CD244: variants seen among roughly 807,000 people sequenced by gnomAD.
CD244 encodes the protein natural killer cell receptor 2B4.
In CD244, 20 loss-of-function variants were observed where a neutral mutation model predicts 45.5. The ratio of observed to expected loss-of-function variants is 0.44; its 90% confidence interval spans 0.31 to 0.64. The LOEUF (loss-of-function observed/expected upper bound fraction) is 0.64, where lower values mean the gene tolerates loss of function less well. CD244 is among the 30% of genes least tolerant of loss of function. The pLI is 0.08. For synonymous variants in CD244, 185 were observed against 160.5 expected, an observed-to-expected ratio of 1.15 and a Z score of -1.15; for missense variants, 407 against 426.9, an observed-to-expected ratio of 0.95 and a Z score of 0.41.
Position 160,841,250 on chromosome 1 carries a change from G to A in CD244, c.615C>T (p.His205=), listed in dbSNP as rs762836370. The A allele has an allele frequency of 1.2e-5, 20 of 1,614,102 alleles. No homozygotes were observed. In the African/African-American group the frequency reaches 2.5e-4, roughly 20 times the overall value. ...GACAGTCCTGAGTGAGATTCAGGGT[G>A]TGGCTTTCCCAGCTAACAGGATTGC... is the stretch of plus-strand genomic sequence containing the variant. The part of the protein sequence containing the change: ...NVSNPVSWES[H]TLNLTQDCQN... The change falls in exon 3 of 9, where the codon CAC becomes CAT. Residue 205 remains histidine, a synonymous_variant. Transcript: ENST00000368034.
At chr1:160,848,484 C>T (rs994686283) in intron 1 of CD244, 6 of 536,506 alleles carry the variant, frequency 1.1e-5, no homozygotes, top group Non-Finnish European at 1.5e-5. Context: ...ATCACCATTG[C>T]TGAGTGTAGA....
chr1:160,859,673 G>A (rs1404514239), intron 1 of CD244, among the ~76,000 whole-genome samples: 5 of 151,806 alleles, frequency 3.3e-5, no homozygotes, highest in African/African-American at 9.7e-5. Context: ...TTGGGAGACT[G>A]AGGCAGGTGG....
At chr1:160,860,865 TG>T (rs1670274965) in intron 1 of CD244, among the ~76,000 whole-genome samples, 1 of 152,236 alleles carries the variant, frequency 6.6e-6, no homozygotes, top group South Asian at 2.1e-4. Context: ...ATGCCAGGCC[TG>T]CCCTATAGAC....
Position 160,835,288 on chromosome 1 carries a change from G to T in CD244, c.894+907C>A, listed in dbSNP as rs773498489. ...AATATAAGAGGTGGAGTATGAGGAG[G>T]TGCAATGGAGACTCAGAAACCCTTT... On this transcript the variant is annotated intron_variant, in intron 6 of 8. Coordinates refer to ENST00000368034, the MANE Select transcript of CD244 (RefSeq NM_016382.4). 5.3e-5 allele frequency among the ~76,000 whole-genome samples: 8 copies of T among 152,176 alleles called. No homozygotes were observed. In the South Asian group the frequency reaches 6.2e-4, roughly 12 times the overall value.
At chr1:160,858,086 A>T (rs1176717694) in intron 1 of CD244, among the ~76,000 whole-genome samples, 4 of 86,250 alleles carry the variant, frequency 4.6e-5, no homozygotes, top group South Asian at 4.6e-4. Flanking sequence ...TAAAAAATTA[A>T]AAAAAAAAAC....
chr1:160,855,161 G>A (rs1297095291), intron 1 of CD244, among the ~76,000 whole-genome samples: 2 of 152,214 alleles, frequency 1.3e-5, no homozygotes, highest in Non-Finnish European at 2.9e-5. Context: ...TTTTCTTAAA[G>A]AAGGAGGTTG....
intron 1 of CD244, among the ~76,000 whole-genome samples, chr1:160,855,362 G>A (rs1670067912): frequency 6.6e-6 from 1 of 152,148 alleles, no homozygotes; most frequent in Non-Finnish European, 1.5e-5. Flanking sequence ...TTCTCCTGCA[G>A]CCCCCAACAG....
At chr1:160,832,887 TACACAC>T (rs771835752) in intron 7 of CD244, among the ~76,000 whole-genome samples, 1 of 143,108 alleles carries the variant, frequency 7.0e-6, no homozygotes, top group African/African-American at 2.8e-5. Flanking sequence ...TATATATATA[TACACAC>T]ACACATATAT....
chr1:160,848,025 T>C (rs1420150822), intron 1 of CD244: 1 of 300,918 alleles, frequency 3.3e-6, no homozygotes, highest in Non-Finnish European at 6.5e-6. Context: ...AACCCCACCA[T>C]GTTCATTAAT....
intron 1 of CD244, among the ~76,000 whole-genome samples, chr1:160,846,228 C>T (rs1669732168): frequency 6.6e-6 from 1 of 151,980 alleles, no homozygotes; most frequent in South Asian, 2.1e-4. Context: ...CCCAAGTCAC[C>T]AAAGTCCACT....
intron 3 of CD244, among the ~76,000 whole-genome samples, chr1:160,840,039 T>C (rs1399009433): frequency 1.3e-5 from 2 of 149,824 alleles, no homozygotes; most frequent in Non-Finnish European, 3.0e-5. Flanking sequence ...AGCAATCCTG[T>C]GAGGTACTTA....
chr1:160,849,591 G>A (rs1669851421), intron 1 of CD244, among the ~76,000 whole-genome samples: 1 of 152,138 alleles, frequency 6.6e-6, no homozygotes, highest in South Asian at 2.1e-4. Context: ...GAGAACGATG[G>A]CTTCCAGCTT....
At chr1:160,861,267 C>G (rs2101899597) in intron 1 of CD244, among the ~76,000 whole-genome samples, 1 of 152,342 alleles carries the variant, frequency 6.6e-6, no homozygotes, top group South Asian at 2.1e-4. Flanking sequence ...TGTTCCTCAT[C>G]ATGCTCTGCC....
At chr1:160,860,963 G>A (rs529818854) in intron 1 of CD244, among the ~76,000 whole-genome samples, 2 of 152,316 alleles carry the variant, frequency 1.3e-5, no homozygotes, top group Non-Finnish European at 2.9e-5. Flanking sequence ...CACCGTGCAA[G>A]GGCCGGCATA....
intron 1 of CD244, among the ~76,000 whole-genome samples, chr1:160,845,531 A>G (rs1458939200): frequency 3.9e-5 from 6 of 152,248 alleles, no homozygotes; most frequent in African/African-American, 1.4e-4. Flanking sequence ...ATAGATTTGT[A>G]AAATGTGTTA....
intron 1 of CD244, among the ~76,000 whole-genome samples, chr1:160,844,386 C>T (rs781481615): frequency 2.0e-5 from 3 of 152,100 alleles, no homozygotes; most frequent in African/African-American, 4.8e-5. Flanking sequence ...AGAGAACTAG[C>T]GTGATAGAAT....
rs1216440310 is a variant in CD244, at chr1:160,834,091, G to C, written c.920C>G (p.Pro307Arg). Residue 307 changes from proline to arginine, a missense_variant, in exon 7 of 9, where the codon CCT becomes CGT. Pro to Arg is a moderately radical substitution (Grantham distance 103). Transcript: ENST00000368034. ...SQSSAPTSQE[P>R]AYTLYSLIQP... ...AATTAATGAATATAATGTATATGCA[G>C]GTTCTTGTGACGTGGGAGCAGAAGA... 4.3e-6 allele frequency: 7 copies of C among 1,611,534 alleles called. No homozygotes were observed. Among genetic ancestry groups the C allele is most frequent in the Admixed American group, 1.7e-5 (1 of 59,992 alleles).
rs148252812 is a variant in CD244 at position 160,841,857 on chromosome 1, G to A, written c.106C>T (p.Pro36Ser). The A allele has an allele frequency of 3.6e-5, 58 of 1,613,912 alleles. No individual in the cohort carries two copies. Among genetic ancestry groups the A allele is most frequent in the Non-Finnish European group, 4.7e-5 (56 of 1,180,004 alleles). Residue 36 changes from proline to serine, a missense_variant, in exon 2 of 9, where the codon CCT becomes TCT. Coordinates refer to ENST00000368034, the MANE Select transcript of CD244 (RefSeq NM_016382.4). ...ATGCTGTTTGGTTGTAACTGAAGAG[G>A]CACTCCCGAGATGCTAACCACATGG... is the stretch of plus-strand genomic sequence containing the variant. The part of the protein sequence containing the change: ...ADHVVSISGV[P>S]LQLQPNSIQT...
intron 1 of CD244, among the ~76,000 whole-genome samples, chr1:160,853,288 A>G (rs2101889935): frequency 6.6e-6 from 1 of 152,316 alleles, no homozygotes; most frequent in East Asian, 1.9e-4. Context: ...ATAGTGAATT[A>G]TTTCACTGAT....
Sources: gnomAD v4.1 joint callset for allele counts (sites outside exome capture counted in the v4.1 genomes callset) on GRCh38, gnomAD v4.1.1 for gene constraint, MANE v1.5 for transcripts, NCBI Gene and HGNC (gene_info 2026-07-23, HGNC 2026-07-21) for gene names.